The following ASTN2 variants were observed in gnomAD, a reference collection of about 807,000 sequenced individuals.
ASTN2 encodes astrotactin-2.
Under a neutral mutation model 139.8 loss-of-function variants are expected in ASTN2, and 54 were observed. That is an observed-to-expected ratio of 0.39 (90% CI 0.31 to 0.48). The LOEUF (loss-of-function observed/expected upper bound fraction) is 0.48. Ranked by LOEUF, ASTN2 falls within the 20% of genes least tolerant of loss-of-function variation. ASTN2 has a pLI of 0.95. For synonymous variants in ASTN2, 756 were observed against 719.5 expected (o/e 1.05, Z -0.81); for missense variants, 1,565 against 1,725.1 (o/e 0.91, Z 1.64).
intron 19 of ASTN2, among the ~76,000 whole-genome samples, chr9:116,542,076 C>T (rs774049646): frequency 2.0e-5 from 3 of 152,146 alleles, no homozygotes; most frequent in African/African-American, 4.8e-5. Context: ...CTTGCTCCTG[C>T]TCCACATACT....
chr9:117,257,511 T>G (rs186288925), intron 2 of ASTN2, among the ~76,000 whole-genome samples: 149 of 152,356 alleles, frequency 9.8e-4, no homozygotes, highest in Non-Finnish European at 1.9e-3. Context: ...AAGCTGAAGC[T>G]TAAAGATCTC....
At chr9:117,396,529 T>C (rs1399851628) in intron 1 of ASTN2, among the ~76,000 whole-genome samples, 2 of 152,186 alleles carry the variant, frequency 1.3e-5, no homozygotes, top group African/African-American at 4.8e-5. Context: ...TGTGTGTATA[T>C]TGTAGGTGCA....
At position 116,919,673 on chromosome 9, in the gene ASTN2, C is replaced by T. The variant is rs142852920; in HGVS notation, c.1889+55535G>A. Among the ~76,000 whole-genome samples, 273 of 128,216 alleles carry T rather than the reference C, an allele frequency of 2.1e-3. 2 individuals carry two copies. The highest frequency in any genetic ancestry group is 0.017 in the Middle Eastern group (3 of 176). The allele number at this position is 128,216 out of a possible 152,430, so 84.1% of individuals were successfully genotyped here. On this transcript the variant is annotated intron_variant, in intron 10 of 22. Coordinates refer to ENST00000313400, the MANE Select transcript of ASTN2 (RefSeq NM_001365068.1). ...TTTTTTTTTTTTTTTTAGCTGAGAG[C>T]AGTAGCTCACACCTGTAATCAGCCC...
intron 13 of ASTN2, among the ~76,000 whole-genome samples, chr9:116,763,889 G>A (rs910618801): frequency 5.3e-5 from 8 of 152,152 alleles, no homozygotes; most frequent in Non-Finnish European, 8.8e-5. Context: ...GAGAGGGTGA[G>A]GGAGAGAAAC....
At chr9:116,567,514 C>T (rs1853295649) in intron 19 of ASTN2, among the ~76,000 whole-genome samples, 1 of 152,152 alleles carries the variant, frequency 6.6e-6, no homozygotes, top group South Asian at 2.1e-4. Context: ...TGGATAGGGG[C>T]TCTCATGTCC....
chr9:116,708,577 G>A (rs1212355458), intron 16 of ASTN2, among the ~76,000 whole-genome samples: 1 of 152,024 alleles, frequency 6.6e-6, no homozygotes. Flanking sequence ...GGTTCATTTG[G>A]CACACTCACT....
intron 3 of ASTN2, among the ~76,000 whole-genome samples, chr9:117,201,985 T>A (rs1389344281): frequency 6.6e-6 from 1 of 152,222 alleles, no homozygotes; most frequent in East Asian, 1.9e-4. Flanking sequence ...AGTCTCATCA[T>A]AGGTCTCTAA....
intron 4 of ASTN2, among the ~76,000 whole-genome samples, chr9:117,130,571 C>G (rs73657669): frequency 0.012 from 1,815 of 152,208 alleles, 41 homozygotes; most frequent in Middle Eastern, 0.075. Flanking sequence ...GGCTTCCTTT[C>G]TTTACTTTTG....
chr9:116,685,049 G>T (rs553005895), intron 16 of ASTN2, among the ~76,000 whole-genome samples: 1 of 152,212 alleles, frequency 6.6e-6, no homozygotes, highest in African/African-American at 2.4e-5. Flanking sequence ...TTAGCCACAA[G>T]ATTAGAAATT....
At chr9:117,143,581 C>T (rs888908452) in intron 3 of ASTN2, among the ~76,000 whole-genome samples, 6 of 152,128 alleles carry the variant, frequency 3.9e-5, no homozygotes, top group Non-Finnish European at 8.8e-5. Context: ...CATTACATAC[C>T]AATGCTGAGA....
At chr9:116,914,463 G>GTAATAA (rs1044642262) in intron 10 of ASTN2, among the ~76,000 whole-genome samples, 1 of 151,848 alleles carries the variant, frequency 6.6e-6, no homozygotes, top group South Asian at 2.1e-4. Context: ...TGTTGACTGA[G>GTAATAA]TAATAATAAT....
At chr9:116,478,017 C>A (rs551735231) in intron 20 of ASTN2, among the ~76,000 whole-genome samples, 2 of 146,768 alleles carry the variant, frequency 1.4e-5, no homozygotes, top group Admixed American at 6.9e-5. Context: ...AAAGGCCAGG[C>A]AGAAACAGTT....
chr9:116,976,999 A>G (rs755979054), intron 7 of ASTN2, among the ~76,000 whole-genome samples: 4 of 152,018 alleles, frequency 2.6e-5, no homozygotes, highest in East Asian at 1.9e-4. Flanking sequence ...TCCTGGCCAC[A>G]CTCGTACAGG....
intron 17 of ASTN2, among the ~76,000 whole-genome samples, chr9:116,622,356 T>C (rs1856203140): frequency 6.6e-6 from 1 of 152,148 alleles, no homozygotes; most frequent in Non-Finnish European, 1.5e-5. Context: ...GAATGAATGA[T>C]CAAATTTCAC....
At chr9:116,563,450 T>A (rs905607108) in intron 19 of ASTN2, among the ~76,000 whole-genome samples, 1 of 152,008 alleles carries the variant, frequency 6.6e-6, no homozygotes, top group East Asian at 1.9e-4. Flanking sequence ...GGAAAGAATT[T>A]GCAATAGAGA....
intron 19 of ASTN2, among the ~76,000 whole-genome samples, chr9:116,594,066 C>T (rs894166093): frequency 1.3e-5 from 2 of 152,216 alleles, no homozygotes; most frequent in Non-Finnish European, 2.9e-5. Context: ...GGACCTCTCT[C>T]AGCTCATATG....
In ASTN2 at chr9:116,833,820, G is replaced by A. The variant is rs558091909; in HGVS notation, c.2041-13037C>T. 3.9e-5 allele frequency among the ~76,000 whole-genome samples: 6 copies of A among 152,226 alleles called. No individual in the cohort carries two copies. In the East Asian group the frequency reaches 7.7e-4, roughly 20 times the overall value. ...ACCCACCTGCAAAGTGATGATATTC[G>A]CAGTTGAAGCCTTGGGGACGTGATT... On this transcript the variant is annotated intron_variant, in intron 11 of 22. Transcript: ENST00000313400.
intron 5 of ASTN2, among the ~76,000 whole-genome samples, chr9:117,048,265 C>T (rs775541796): frequency 1.0e-3 from 152 of 152,244 alleles, no homozygotes; most frequent in African/African-American, 3.4e-3. Context: ...CACCTGATAC[C>T]GACCACATGT....
intron 19 of ASTN2, among the ~76,000 whole-genome samples, chr9:116,565,427 A>ATATATATATATATTTATT (rs1554714243): frequency 1.4e-5 from 1 of 74,018 alleles, no homozygotes. Context: ...ATATATATAT[A>ATATATATATATATTTATT]TATTTATTTA....
Sources: gnomAD v4.1 joint callset for allele counts (sites outside exome capture counted in the v4.1 genomes callset) on GRCh38, gnomAD v4.1.1 for gene constraint, MANE v1.5 for transcripts, NCBI Gene and HGNC (gene_info 2026-07-23, HGNC 2026-07-21) for gene names.